NEURL1: variants seen among roughly 807,000 people sequenced by gnomAD.
The protein encoded by NEURL1 is E3 ubiquitin-protein ligase NEURL1.
NEURL1 carries 26 observed loss-of-function variants against 41.2 expected under a neutral mutation model. The ratio of observed to expected loss-of-function variants is 0.63; its 90% CI spans 0.46 to 0.87. NEURL1 has a LOEUF of 0.87. Ranked by LOEUF, NEURL1 falls within the 40% of genes least tolerant of loss-of-function variation. NEURL1 has a pLI of 0.00. For synonymous variants in NEURL1, 400 were observed against 402.3 expected (o/e 0.99, Z 0.07); for missense variants, 761 against 871.1 (o/e 0.87, Z 1.59).
chr10:103,534,492 G>T (rs970618740), intron 1 of NEURL1, among the ~76,000 whole-genome samples: 1 of 151,992 alleles, frequency 6.6e-6, no homozygotes, highest in Non-Finnish European at 1.5e-5. Context: ...TAGGTGCAAT[G>T]GTATAGTCTC....
At position 103,494,398 on chromosome 10, in the gene NEURL1, A is replaced by G; in HGVS notation, c.11A>G (p.Asn4Ser). MGNNFSSIPSLPRG... is the reference protein window; with the variant it reads MGNSFSSIPSLPRG... ...CTGGGGCCGGATGCCATGGGTAACA[A>G]CTTCTCCAGTATCCCCTCGCTGCCC... Residue 4 changes from asparagine (N) to serine (S), a missense_variant, in exon 1 of 6, where the codon AAC becomes AGC. Around this residue, in one of 5 missense-constraint regions of NEURL1, gnomAD observed 94 missense variants for 96.6 expected, o/e 0.97. Coordinates refer to ENST00000369780, the MANE Select transcript of NEURL1 (RefSeq NM_004210.5). 6.3e-7 allele frequency: 1 copy of G among 1,593,058 alleles called. No individual in the cohort carries two copies. Among genetic ancestry groups the G allele is most frequent in the East Asian group, 2.3e-5 (1 of 43,740 alleles).
rs2133889228 is a variant in NEURL1, at chr10:103,592,312, G to A, written c.*1940G>A. The A allele has an allele frequency of 6.5e-6, 1 of 152,752 alleles. No individual in the cohort carries two copies. The highest frequency in any genetic ancestry group is 1.9e-4 in the East Asian group (1 of 5,160). 9.5% of individuals were successfully genotyped at this position (152,752 alleles called of 1,614,324 possible). A position where few individuals can be genotyped will look rare whatever the true frequency, so the allele number is the denominator to read the frequency against. The stretch of plus-strand genomic sequence containing the variant: ...TGTGCTGGCCTTGCAGTGGGTGTGT[G>A]GGGAAGTCACTGTCCCACTATGGGT... On this transcript the variant is annotated 3_prime_UTR_variant, in exon 6 of 6. Coordinates refer to ENST00000369780, the MANE Select transcript of NEURL1 (RefSeq NM_004210.5). The surrounding 1 kb of genome is among the most constrained non-coding windows in gnomAD (Gnocchi z 4.8).
chr10:103,494,400 T>A lies in NEURL1; in HGVS notation c.13T>A (p.Phe5Ile). 6.3e-7 allele frequency: 1 copy of A among 1,594,174 alleles called. No individual in the cohort carries two copies. Among genetic ancestry groups the A allele is most frequent in the Non-Finnish European group, 8.5e-7 (1 of 1,170,894 alleles). MGNN[F>I]SSIPSLPRGN... is the part of the protein sequence containing the mutation. ...GGGGCCGGATGCCATGGGTAACAAC[T>A]TCTCCAGTATCCCCTCGCTGCCCCG... Residue 5 changes from phenylalanine (F) to isoleucine (I), a missense_variant, in exon 1 of 6, where the codon TTC (phenylalanine) becomes ATC (isoleucine). By Grantham distance (21) the Phe-to-Ile change is conservative. Coordinates refer to ENST00000369780, the MANE Select transcript of NEURL1 (RefSeq NM_004210.5).
At chr10:103,563,422 G>C (rs2035349222) in intron 1 of NEURL1, among the ~76,000 whole-genome samples, 1 of 152,134 alleles carries the variant, frequency 6.6e-6, no homozygotes, top group South Asian at 2.1e-4. Context: ...ACGGCCTCTT[G>C]CCTCCAATAC....
intron 1 of NEURL1, among the ~76,000 whole-genome samples, chr10:103,522,021 C>A (rs1349028601): frequency 6.6e-6 from 1 of 151,630 alleles, no homozygotes; most frequent in Non-Finnish European, 1.5e-5. Context: ...CTCTTGTGGG[C>A]AGGGGCAGGG....
Position 103,494,288 on chromosome 10 carries a change from G to A in NEURL1, c.-100G>A. The A allele has an allele frequency of 2.1e-6, 2 of 948,786 alleles. No homozygotes were observed. Among genetic ancestry groups the A allele is most frequent in the East Asian group, 6.3e-5 (2 of 31,624 alleles). The allele number at this position is 948,786 out of a possible 1,614,324, so 58.8% of individuals were successfully genotyped here. On this transcript the variant is annotated 5_prime_UTR_variant, in exon 1 of 6. Coordinates refer to ENST00000369780, the MANE Select transcript of NEURL1 (RefSeq NM_004210.5). ...TGCAGCCCCAGCAGGGCCCTCCCCC[G>A]GTGGCGCGCACCCGCGCGCGCACAC...
intron 1 of NEURL1, chr10:103,557,956 T>C (rs1227275699): frequency 6.6e-6 from 1 of 152,464 alleles, no homozygotes; most frequent in Non-Finnish European, 1.5e-5. Flanking sequence ...CTCAGCTCAC[T>C]GCAAACTCTG....
At chr10:103,505,500 C>T (rs867823252) in intron 1 of NEURL1, among the ~76,000 whole-genome samples, 2 of 152,140 alleles carry the variant, frequency 1.3e-5, no homozygotes, top group African/African-American at 2.4e-5. Context: ...GTTGGTATTA[C>T]AGGCTTCAGC....
At chr10:103,567,700 C>T (rs570352850) in intron 1 of NEURL1, among the ~76,000 whole-genome samples, 1 of 152,324 alleles carries the variant, frequency 6.6e-6, no homozygotes, top group African/African-American at 2.4e-5. Flanking sequence ...CACCTGGCCT[C>T]TTAATGCTTA....
intron 1 of NEURL1, among the ~76,000 whole-genome samples, chr10:103,559,630 C>T (rs1279818044): frequency 6.6e-6 from 1 of 152,044 alleles, no homozygotes; most frequent in Admixed American, 6.5e-5. Context: ...GGGTCAGTAC[C>T]TTCATCTGTC....
chr10:103,545,232 A>G lies in NEURL1; in HGVS notation c.86-25640A>G, dbSNP rs1373118352. ...CCCCTCCTTGGGCTGTCCTTTGTGC[A>G]GGAATACCACAGTCCTGACAGCCAC... On this transcript the variant is annotated intron_variant, in intron 1 of 5. Transcript: ENST00000369780. The surrounding 1 kb of genome is among the most constrained non-coding windows in gnomAD (Gnocchi z 4.5). Among the ~76,000 whole-genome samples, 1 of 152,230 alleles carries G rather than the reference A, an allele frequency of 6.6e-6. No homozygotes were observed. Among genetic ancestry groups the G allele is most frequent in the African/African-American group, 2.4e-5 (1 of 41,456 alleles).
At chr10:103,515,227 CAAAAAAAAAAAAAAAAAA>C (rs57898870) in intron 1 of NEURL1, 39,173 of 101,332 alleles carry the variant, frequency 0.39, 6,073 homozygotes, top group South Asian at 0.55. Context: ...GACTCTGTCT[CAAAAAAAAAAAAAAAAAA>C]AAAAAAAAAA....
rs1363114766 is a variant in NEURL1 at position 103,558,400 on chromosome 10, T to C, written c.86-12472T>C. ...TGTGTTTTAGATCTCTGTGTACCTG[T>C]GTGATGTGTCTCTAACTGTGGATTG... On this transcript the variant is annotated intron_variant, in intron 1 of 5. Transcript: ENST00000369780. This position sits in a 1 kb window ranked among gnomAD's most constrained non-coding sequence, Gnocchi z 4.2. 6.6e-6 allele frequency among the ~76,000 whole-genome samples: 1 copy of C among 152,172 alleles called. No individual in the cohort carries two copies. Among genetic ancestry groups the C allele is most frequent in the Non-Finnish European group, 1.5e-5 (1 of 68,032 alleles).
chr10:103,584,985 C>G lies in NEURL1; in HGVS notation c.1099C>G (p.Pro367Ala), dbSNP rs1463907930. ...CACGTGCGACCCCGGCACGCTGCGGCCGGCCGACCTGCCTTTCAGCCCTGA... is the reference window on the plus strand; with the variant it reads ...CACGTGCGACCCCGGCACGCTGCGGGCGGCCGACCTGCCTTTCAGCCCTGA... ...VTTCDPGTLRPADLPFSPEAL... is the reference protein window; with the variant it reads ...VTTCDPGTLRAADLPFSPEAL... The change falls in exon 4 of 6, where the codon CCG (proline) becomes GCG (alanine). Residue 367 changes from proline (P) to alanine (A), a missense_variant. By Grantham distance (27) the Pro-to-Ala change is conservative. Around this residue, in one of 5 missense-constraint regions of NEURL1, gnomAD observed 443 missense variants for 408.1 expected, o/e 1.09. Transcript: ENST00000369780. The G allele has an allele frequency of 1.3e-5, 20 of 1,538,718 alleles. No homozygotes were observed. The highest frequency in any genetic ancestry group is 1.6e-5 in the Non-Finnish European group (19 of 1,152,338).
At chr10:103,538,325 C>T (rs183593824) in intron 1 of NEURL1, among the ~76,000 whole-genome samples, 2 of 152,316 alleles carry the variant, frequency 1.3e-5, no homozygotes, top group Non-Finnish European at 2.9e-5. Flanking sequence ...AGTTCCAGCA[C>T]TTTGGGAGGC....
chr10:103,589,441 T>C, intron 4 of NEURL1, 73 bp from the exon 5 acceptor site: 3 of 1,500,914 alleles, frequency 2.0e-6, no homozygotes, highest in Non-Finnish European at 2.7e-6. Context: ...GAACCCACTG[T>C]GAGGGACAGA....
intron 3 of NEURL1, 83 bp downstream of exon 3, chr10:103,571,905 A>G: frequency 7.4e-7 from 1 of 1,353,816 alleles, no homozygotes; most frequent in Admixed American, 2.3e-5. Context: ...GTTCAATCCC[A>G]TCAGGCGTAG....
At chr10:103,518,912 T>C (rs866050006) in intron 1 of NEURL1, among the ~76,000 whole-genome samples, 1 of 152,212 alleles carries the variant, frequency 6.6e-6, no homozygotes, top group Non-Finnish European at 1.5e-5. Context: ...AGTACTGTTA[T>C]ATTTATTTAT....
At chr10:103,517,515 G>A (rs558476314) in intron 1 of NEURL1, 297 of 152,470 alleles carry the variant, frequency 1.9e-3, no homozygotes, top group Non-Finnish European at 3.2e-3. Context: ...GGTTTCCGTA[G>A]TGAGTCCTCT....
Sources: allele counts gnomAD v4.1 joint callset (sites outside exome capture counted in the v4.1 genomes callset), GRCh38; gene constraint gnomAD v4.1.1; regional missense constraint gnomAD v4.1.1; non-coding constraint Gnocchi (gnomAD v3.1); transcripts MANE v1.5; gene names NCBI Gene and HGNC (gene_info 2026-07-23, HGNC 2026-07-21).